The following NTSR1 variants were observed in gnomAD, a reference collection of about 807,000 sequenced individuals.
NTSR1 encodes neurotensin receptor 1.
NTSR1 carries 29 observed loss-of-function variants against 31.2 expected under a neutral mutation model. The observed-to-expected ratio is 0.93, with a 90% CI of 0.69 to 1.27. NTSR1 has a LOEUF of 1.27. Among genes scored for constraint, NTSR1 ranks in the 50% most tolerant of loss-of-function variants. The pLI is 0.00. For missense variants in NTSR1, 697 were observed against 595.4 expected (o/e 1.17, Z -1.78); for synonymous variants, 282 against 269.9 (o/e 1.04, Z -0.44).
At chr20:62,728,513 A>G (rs1184815822) in intron 1 of NTSR1, among the ~76,000 whole-genome samples, 1 of 152,214 alleles carries the variant, frequency 6.6e-6, no homozygotes, top group Non-Finnish European at 1.5e-5. Context: ...TAAAAATGGC[A>G]GAAGTTCATT....
In NTSR1 at chr20:62,747,005, A is replaced by G. The variant is rs188774565; in HGVS notation, c.715-7680A>G. Among the ~76,000 whole-genome samples the G allele has an allele frequency of 5.1e-4, 77 of 152,372 alleles. 1 individual carries two copies. The South Asian group carries it at 6.0e-3, about 12-fold the overall frequency. On this transcript the variant is annotated intron_variant, in intron 1 of 3. Coordinates refer to ENST00000370501, the MANE Select transcript of NTSR1 (RefSeq NM_002531.3). Reference sequence around the variant, plus strand: ...CAAAAATCTTCAACAAAATACTGGCAAACTTCATTCAACAGCATGTTGAAA... The same window carrying G: ...CAAAAATCTTCAACAAAATACTGGCGAACTTCATTCAACAGCATGTTGAAA...
Position 62,760,008 on chromosome 20 carries a change from C to T in NTSR1, c.1008-10C>T. ...CTCTCTGGGATCTGAGCGCCTCTCT[C>T]TCCCCGCAGGTTCCTCTATGACTTC... On this transcript the variant is annotated splice_polypyrimidine_tract_variant and intron_variant, in intron 3 of 3. Transcript: ENST00000370501. 6.2e-7 allele frequency: 1 copy of T among 1,612,978 alleles called. No homozygotes were observed. The highest frequency in any genetic ancestry group is 8.5e-7 in the Non-Finnish European group (1 of 1,179,066).
chr20:62,753,903 C>T (rs1375743122), intron 1 of NTSR1, among the ~76,000 whole-genome samples: 1 of 152,230 alleles, frequency 6.6e-6, no homozygotes, highest in Non-Finnish European at 1.5e-5. Context: ...CACAGCCACC[C>T]TGCCAGTGCC....
At chr20:62,731,895 G>A (rs1317976156) in intron 1 of NTSR1, among the ~76,000 whole-genome samples, 1 of 152,222 alleles carries the variant, frequency 6.6e-6, no homozygotes, top group East Asian at 1.9e-4. Context: ...GAGGCGGGTG[G>A]ATCACTTGAG....
At position 62,754,860 on chromosome 20, in the gene NTSR1, C is replaced by A. The variant is rs757431934; in HGVS notation, c.890C>A (p.Ala297Asp). 28 of 1,604,402 alleles carry A rather than the reference C, an allele frequency of 1.7e-5. No homozygotes were observed. Among genetic ancestry groups the A allele is most frequent in the Non-Finnish European group, 2.3e-5 (27 of 1,178,756 alleles). The change falls in exon 2 of 4, where the codon GCC (alanine) becomes GAC (aspartate). Residue 297 changes from alanine (A) to aspartate (D), a missense_variant. Transcript: ENST00000370501. The stretch of plus-strand genomic sequence containing the variant: ...GCCATCGAGCCTGGCAGGGTCCAGG[C>A]CCTGCGGCACGGCGTGCGCGTCCTA... ...SMAIEPGRVQ[A>D]LRHGVRVLRA...
chr20:62,750,416 C>T (rs2375858), intron 1 of NTSR1, among the ~76,000 whole-genome samples: 2 of 152,048 alleles, frequency 1.3e-5, no homozygotes, highest in African/African-American at 2.4e-5. Context: ...TGCGGCCGGG[C>T]GTGGTGGCTC....
chr20:62,759,746 G>A (rs1159128891), intron 3 of NTSR1, among the ~76,000 whole-genome samples: 1 of 145,534 alleles, frequency 6.9e-6, no homozygotes, highest in Non-Finnish European at 1.5e-5. Flanking sequence ...CTGTACTCCA[G>A]CCTGGGAGAC....
chr20:62,760,321 C>G lies in NTSR1; in HGVS notation c.*54C>G, dbSNP rs533071110. The G allele has an allele frequency of 2.6e-6, 4 of 1,548,852 alleles. No homozygotes were observed. The highest frequency in any genetic ancestry group is 1.4e-5 in the African/African-American group (1 of 73,992). ...GAGCCTGGCCATGGGTCCTTGCCCC[C>G]GACAGACAGAGCAGCCCCCACCCGG... is the stretch of plus-strand genomic sequence containing the variant. On this transcript the variant is annotated 3_prime_UTR_variant, in exon 4 of 4. Transcript: ENST00000370501.
rs1989204515 is a variant in NTSR1, at chr20:62,741,411, C to CG, written c.715-13271dup. Among the ~76,000 whole-genome samples, 1 of 149,706 alleles carries CG rather than the reference C, an allele frequency of 6.7e-6. No individual in the cohort carries two copies. Among genetic ancestry groups the CG allele is most frequent in the Non-Finnish European group, 1.5e-5 (1 of 68,014 alleles). On this transcript the variant is annotated intron_variant, in intron 1 of 3. Coordinates refer to ENST00000370501, the MANE Select transcript of NTSR1 (RefSeq NM_002531.3). This position sits in a 1 kb window ranked among gnomAD's most constrained non-coding sequence, Gnocchi z 4.3. ...GAGGGCAAACCTCTTGCAGAGGTGA[C>CG]GGGTGACTCACCAGCCCCGCTCAGA...
intron 1 of NTSR1, among the ~76,000 whole-genome samples, chr20:62,719,880 T>C (rs756484584): frequency 6.6e-6 from 1 of 152,246 alleles, no homozygotes; most frequent in Non-Finnish European, 1.5e-5. Context: ...GAGGTTCTTG[T>C]TCCTTTTGTG....
At chr20:62,750,418 T>C (rs921303199) in intron 1 of NTSR1, among the ~76,000 whole-genome samples, 9 of 151,904 alleles carry the variant, frequency 5.9e-5, no homozygotes, top group African/African-American at 1.7e-4. Flanking sequence ...CGGCCGGGCG[T>C]GGTGGCTCAC....
rs570128517 is a variant in NTSR1 at position 62,741,553 on chromosome 20, C to A, written c.715-13132C>A. On this transcript the variant is annotated intron_variant, in intron 1 of 3. Transcript: ENST00000370501. This position sits in a 1 kb window ranked among gnomAD's most constrained non-coding sequence, Gnocchi z 4.3. ...ATGTTCCTCCCACCCCATGTCTGTG[C>A]GCCCCTTCGAGCATGCCTGGGCATT... 6.7e-6 allele frequency among the ~76,000 whole-genome samples: 1 copy of A among 149,570 alleles called. No homozygotes were observed. Among genetic ancestry groups the A allele is most frequent in the Non-Finnish European group, 1.5e-5 (1 of 68,002 alleles).
chr20:62,709,476 G>C lies in NTSR1; in HGVS notation c.269G>C (p.Arg90Pro), dbSNP rs377497165. Residue 90 changes from arginine (R) to proline (P), a missense_variant, in exon 1 of 4, where the codon CGG becomes CCG. Physicochemically the swap from Arg to Pro is moderately radical, Grantham distance 103. Transcript: ENST00000370501. The stretch of plus-strand genomic sequence containing the variant: ...ACGGTGACGGCGTTCACGCTGGCGC[G>C]GAAGAAGTCGCTGCAGAGCCTGCAG... ...GNTVTAFTLARKKSLQSLQST... is the reference protein window; with the variant it reads ...GNTVTAFTLAPKKSLQSLQST... 3 of 1,612,586 alleles carry C rather than the reference G, an allele frequency of 1.9e-6. No individual in the cohort carries two copies. The highest frequency in any genetic ancestry group is 2.5e-6 in the Non-Finnish European group (3 of 1,179,828).
chr20:62,737,882 C>A (rs1227379816), intron 1 of NTSR1, among the ~76,000 whole-genome samples: 2 of 149,764 alleles, frequency 1.3e-5, no homozygotes, highest in Admixed American at 1.3e-4. Context: ...CACCCCTGCA[C>A]CACCTCACAC....
intron 1 of NTSR1, among the ~76,000 whole-genome samples, chr20:62,716,596 C>A (rs1988726946): frequency 6.6e-6 from 1 of 152,260 alleles, no homozygotes; most frequent in Non-Finnish European, 1.5e-5. Context: ...GCGTGTTAGT[C>A]CTGCCTCCGT....
chr20:62,757,612 G>C (rs1989532788), intron 2 of NTSR1, among the ~76,000 whole-genome samples: 1 of 152,178 alleles, frequency 6.6e-6, no homozygotes, highest in Non-Finnish European at 1.5e-5. Context: ...GGATTGCATT[G>C]AATCTGTAGA....
chr20:62,709,842 G>C lies in NTSR1; in HGVS notation c.635G>C (p.Arg212Pro). ...CTGTTCACCATGGGCGAGCAGAACC[G>C]CAGCGCCGACGGCCAGCACGCCGGC... Reference protein sequence around the residue: ...PMLFTMGEQNRSADGQHAGGL... With the variant: ...PMLFTMGEQNPSADGQHAGGL... Residue 212 changes from arginine (R) to proline (P), a missense_variant, in exon 1 of 4, where the codon CGC (arginine) becomes CCC (proline). Coordinates refer to ENST00000370501, the MANE Select transcript of NTSR1 (RefSeq NM_002531.3). 1 of 1,610,282 alleles carries C rather than the reference G, an allele frequency of 6.2e-7. No homozygotes were observed. Among genetic ancestry groups the C allele is most frequent in the Non-Finnish European group, 8.5e-7 (1 of 1,178,032 alleles).
intron 1 of NTSR1, among the ~76,000 whole-genome samples, chr20:62,746,778 C>G (rs1432543411): frequency 6.6e-6 from 1 of 152,158 alleles, no homozygotes; most frequent in Non-Finnish European, 1.5e-5. Flanking sequence ...TTACCAAAAA[C>G]CTCCCAAAAA....
chr20:62,718,103 C>T (rs764717713), intron 1 of NTSR1, among the ~76,000 whole-genome samples: 5 of 152,086 alleles, frequency 3.3e-5, no homozygotes, highest in African/African-American at 9.7e-5. Context: ...GCGGGGTGGC[C>T]GGAGCGGAGG....
Sources: allele counts gnomAD v4.1 joint callset (sites outside exome capture counted in the v4.1 genomes callset), GRCh38; gene constraint gnomAD v4.1.1; non-coding constraint Gnocchi (gnomAD v3.1); transcripts MANE v1.5; gene names NCBI Gene and HGNC (gene_info 2026-07-23, HGNC 2026-07-21).